FHIT: variants seen among roughly 807,000 people sequenced by gnomAD.
FHIT encodes the protein fragile histidine triad diadenosine triphosphatase, also known as bis(5'-adenosyl)-triphosphatase.
FHIT carries 19 observed loss-of-function variants against 17.9 expected under a neutral mutation model. The observed-to-expected ratio is 1.06, with a 90% confidence interval of 0.74 to 1.56. The LOEUF (loss-of-function observed/expected upper bound fraction) is 1.56. Ranked by LOEUF, FHIT falls within the 40% of genes most tolerant of loss-of-function variation. The pLI is 0.00. For synonymous variants in FHIT, 81 were observed against 69.7 expected, an observed-to-expected ratio of 1.16 and a Z score of -0.81; for missense variants, 248 against 189.2, an observed-to-expected ratio of 1.31 and a Z score of -1.82.
intron 4 of FHIT, among the ~76,000 whole-genome samples, chr3:60,574,730 C>A (rs1306912465): frequency 1.3e-5 from 2 of 152,062 alleles, no homozygotes; most frequent in Non-Finnish European, 2.9e-5. Context: ...AAAAACAAAG[C>A]TCCATCAGTC....
intron 2 of FHIT, among the ~76,000 whole-genome samples, chr3:61,045,341 T>C (rs1575904574): frequency 6.6e-6 from 1 of 152,180 alleles, no homozygotes; most frequent in African/African-American, 2.4e-5. Flanking sequence ...CTTGCAATCC[T>C]AGTCTCTGAT....
chr3:59,914,576 A>T (rs1705041263), intron 8 of FHIT, among the ~76,000 whole-genome samples: 1 of 152,150 alleles, frequency 6.6e-6, no homozygotes, highest in South Asian at 2.1e-4. Context: ...AAAAATAAAA[A>T]CATTTACAAA....
intron 7 of FHIT, among the ~76,000 whole-genome samples, chr3:59,967,358 A>T (rs778307441): frequency 6.6e-6 from 1 of 152,192 alleles, no homozygotes; most frequent in African/African-American, 2.4e-5. Context: ...TGTACTGAAC[A>T]TAACTGTACG....
chr3:61,038,065 C>T (rs978092114), intron 3 of FHIT, among the ~76,000 whole-genome samples: 11 of 152,230 alleles, frequency 7.2e-5, no homozygotes, highest in East Asian at 1.9e-4. Context: ...TTTGCAATTA[C>T]TTAATGACAT....
chr3:60,247,763 G>T (rs1395019997), intron 5 of FHIT, among the ~76,000 whole-genome samples: 1 of 152,090 alleles, frequency 6.6e-6, no homozygotes, highest in Non-Finnish European at 1.5e-5. Flanking sequence ...TTATGCCTCA[G>T]TTTCCTCATC....
chr3:61,021,866 A>G (rs910639823), intron 3 of FHIT, among the ~76,000 whole-genome samples: 9 of 152,158 alleles, frequency 5.9e-5, no homozygotes, highest in Non-Finnish European at 1.2e-4. Flanking sequence ...GGAAATGTAT[A>G]GCACTAAATG....
intron 5 of FHIT, among the ~76,000 whole-genome samples, chr3:60,228,526 C>T (rs960451939): frequency 2.0e-5 from 3 of 152,130 alleles, no homozygotes; most frequent in African/African-American, 7.2e-5. Flanking sequence ...AACACACATC[C>T]ATGGCTCTGG....
chr3:60,192,296 A>G (rs920935700), intron 5 of FHIT, among the ~76,000 whole-genome samples: 12 of 151,998 alleles, frequency 7.9e-5, no homozygotes, highest in Admixed American at 5.2e-4. Flanking sequence ...CAAAAGTTCA[A>G]TGGCCTTTGA....
intron 5 of FHIT, among the ~76,000 whole-genome samples, chr3:60,226,002 A>G (rs1471459732): frequency 6.6e-6 from 1 of 152,150 alleles, no homozygotes; most frequent in Non-Finnish European, 1.5e-5. Context: ...TATAAAACAT[A>G]ATACGAATCA....
intron 5 of FHIT, among the ~76,000 whole-genome samples, chr3:60,441,785 T>TACAC (rs2030879335): frequency 1.3e-5 from 1 of 75,394 alleles, no homozygotes; most frequent in Non-Finnish European, 2.4e-5. Context: ...TGTATAAAAA[T>TACAC]ATATATATAT....
In FHIT at chr3:61,189,822, A is replaced by G. The variant is rs1269439264; in HGVS notation, c.-164+10795T>C. On this transcript the variant is annotated intron_variant, in intron 2 of 9. Coordinates refer to ENST00000492590, the MANE Select transcript of FHIT (RefSeq NM_002012.4). ...GATCTTTGACAAACCTGAGAAAAAC[A>G]AGCAATGGGGAAAGGATTCCCTATT... 1.6e-4 allele frequency among the ~76,000 whole-genome samples: 25 copies of G among 152,164 alleles called. No individual in the cohort carries two copies. In the East Asian group the frequency reaches 3.7e-3, roughly 23 times the overall value.
intron 5 of FHIT, among the ~76,000 whole-genome samples, chr3:60,269,719 G>T (rs976779482): frequency 6.6e-6 from 1 of 152,148 alleles, no homozygotes; most frequent in Non-Finnish European, 1.5e-5. Context: ...ACAACACAGG[G>T]TCATTTTCTT....
intron 4 of FHIT, among the ~76,000 whole-genome samples, chr3:60,577,070 C>T (rs1356413275): frequency 3.3e-5 from 5 of 151,896 alleles, no homozygotes; most frequent in Non-Finnish European, 7.4e-5. Flanking sequence ...AAATTGTATG[C>T]TGTTTTTCAA....
At chr3:60,031,617 C>A (rs796466297) in intron 5 of FHIT, among the ~76,000 whole-genome samples, 3 of 152,226 alleles carry the variant, frequency 2.0e-5, no homozygotes, top group Admixed American at 6.5e-5. Flanking sequence ...CCAAACAGCA[C>A]CAATGATGGA....
chr3:60,965,762 A>T (rs1392341231), intron 3 of FHIT, among the ~76,000 whole-genome samples: 1 of 152,174 alleles, frequency 6.6e-6, no homozygotes, highest in Non-Finnish European at 1.5e-5. Context: ...CAAATATTGC[A>T]GAATGGCAAA....
intron 8 of FHIT, among the ~76,000 whole-genome samples, chr3:59,875,255 C>A (rs200637326): frequency 6.6e-6 from 1 of 152,224 alleles, no homozygotes; most frequent in Non-Finnish European, 1.5e-5. Flanking sequence ...GGAAAGCAAT[C>A]TACACGCTGG....
chr3:60,066,763 T>TCCCCTGCCTCAGC (rs1349277860), intron 5 of FHIT, among the ~76,000 whole-genome samples: 1 of 147,380 alleles, frequency 6.8e-6, no homozygotes, highest in Non-Finnish European at 1.5e-5. Context: ...TTCACGCCAT[T>TCCCCTGCCTCAGC]CTCCTGCCTC....
intron 5 of FHIT, among the ~76,000 whole-genome samples, chr3:60,442,880 T>C (rs866350891): frequency 4.9e-4 from 74 of 152,240 alleles, no homozygotes; most frequent in Middle Eastern, 3.4e-3. Context: ...GCCATTTTCA[T>C]GATATTGATT....
At chr3:60,181,988 A>T (rs1213753696) in intron 5 of FHIT, among the ~76,000 whole-genome samples, 7 of 152,200 alleles carry the variant, frequency 4.6e-5, no homozygotes, top group Admixed American at 4.6e-4. Flanking sequence ...GGATCACAAA[A>T]TCCCTGGTGG....
Sources: gnomAD v4.1 joint callset for allele counts (sites outside exome capture counted in the v4.1 genomes callset) on GRCh38, gnomAD v4.1.1 for gene constraint, MANE v1.5 for transcripts, NCBI Gene and HGNC (gene_info 2026-07-23, HGNC 2026-07-21) for gene names.